Variants in KIF1B observed in about 807,000 individuals in gnomAD.
The protein encoded by KIF1B is kinesin-like protein KIF1B.
In KIF1B, 76 loss-of-function variants were observed where a neutral mutation model predicts 241.9. The observed-to-expected ratio is 0.31, with a 90% CI of 0.26 to 0.38. KIF1B has a LOEUF of 0.38. Among genes scored for constraint, KIF1B ranks in the 10% least tolerant of loss-of-function variants. The pLI is 1.00. For synonymous variants in KIF1B, 750 were observed against 796.7 expected (o/e 0.94, Z 0.99); for missense variants, 1,622 against 2,271.4 (o/e 0.71, Z 5.81).
intron 17 of KIF1B, among the ~76,000 whole-genome samples, chr1:10,293,738 A>G (rs914607574): frequency 6.6e-6 from 1 of 152,192 alleles, no homozygotes; most frequent in Non-Finnish European, 1.5e-5. Context: ...TGCATTTAAC[A>G]TAAATCATAA....
chr1:10,286,280 T>C lies in KIF1B; in HGVS notation c.1434+3747T>C, dbSNP rs1284031539. Among the ~76,000 whole-genome samples, 3 of 152,154 alleles carry C rather than the reference T, an allele frequency of 2.0e-5. No individual in the cohort carries two copies. The East Asian group carries it at 5.8e-4, about 29-fold the overall frequency. ...GTCTCAAACTTCTGACTACAGGTGA[T>C]CTGCCTGCCTCGGCCTCCCAAAGTG... On this transcript the variant is annotated intron_variant, in intron 15 of 48. Coordinates refer to ENST00000676179, the MANE Select transcript of KIF1B (RefSeq NM_001365951.3).
chr1:10,266,958 A>C (rs1277299753), intron 5 of KIF1B, among the ~76,000 whole-genome samples: 3 of 137,456 alleles, frequency 2.2e-5, no homozygotes, highest in African/African-American at 5.4e-5. Flanking sequence ...CTTTTAATAA[A>C]AGTTAAAAAA....
At chr1:10,330,031 T>C (rs1351454920) in intron 27 of KIF1B, among the ~76,000 whole-genome samples, 3 of 152,230 alleles carry the variant, frequency 2.0e-5, no homozygotes, top group African/African-American at 7.2e-5. Context: ...ATTTTTCTTA[T>C]CTTTATGTTG....
Position 10,377,316 on chromosome 1 carries a change from G to A in KIF1B, c.*729G>A, listed in dbSNP as rs977775192. Reference sequence around the variant, plus strand: ...GAGGAGACGAGAGGCTTTTTCAGTGGGCCTGGGACAGTGGCTGCTCTTGAC... The same window carrying A: ...GAGGAGACGAGAGGCTTTTTCAGTGAGCCTGGGACAGTGGCTGCTCTTGAC... On this transcript the variant is annotated 3_prime_UTR_variant, in exon 49 of 49. Transcript: ENST00000676179. The A allele has an allele frequency of 1.3e-5, 3 of 228,350 alleles. No individual in the cohort carries two copies. The highest frequency in any genetic ancestry group is 2.6e-5 in the Non-Finnish European group (3 of 114,788). 14.1% of individuals were successfully genotyped at this position (228,350 alleles called of 1,614,324 possible). A position where few individuals can be genotyped will look rare whatever the true frequency, so the allele number is the denominator to read the frequency against.
chr1:10,229,867 CAAAAAAA>C (rs58923572), intron 1 of KIF1B, among the ~76,000 whole-genome samples: 7 of 56,474 alleles, frequency 1.2e-4, no homozygotes, highest in Admixed American at 3.7e-4. Context: ...GACTCCGTCT[CAAAAAAA>C]AAAAAAAAAA....
chr1:10,281,336 TGAAA>T (rs751640400), intron 14 of KIF1B, among the ~76,000 whole-genome samples: 2 of 152,132 alleles, frequency 1.3e-5, no homozygotes, highest in African/African-American at 2.4e-5. Context: ...GGATGACTAA[TGAAA>T]GAAAGTAATG....
At chr1:10,376,115 T>G (rs1029845001) in intron 48 of KIF1B, among the ~76,000 whole-genome samples, 2 of 152,036 alleles carry the variant, frequency 1.3e-5, no homozygotes, top group Non-Finnish European at 2.9e-5. Context: ...AAAGGAAGTA[T>G]TTTTCAAAAT....
intron 41 of KIF1B, 116 bp downstream of exon 41, chr1:10,363,460 G>GC: frequency 3.5e-6 from 3 of 852,208 alleles, no homozygotes; most frequent in Admixed American, 1.8e-5. Flanking sequence ...GGGAGGCCAA[G>GC]GCGGGTGGAT....
At chr1:10,271,297 C>T (rs1218508829) in intron 7 of KIF1B, among the ~76,000 whole-genome samples, 6 of 152,170 alleles carry the variant, frequency 3.9e-5, no homozygotes, top group Non-Finnish European at 8.8e-5. Context: ...GCTGGGACTA[C>T]AGGCATGTGC....
chr1:10,273,425 G>A (rs61775919), intron 10 of KIF1B, among the ~76,000 whole-genome samples: 2,390 of 152,168 alleles, frequency 0.016, 63 homozygotes, highest in African/African-American at 0.053. Context: ...GTGGTAGCGC[G>A]TGCCCATAGT....
rs752910622 is a variant in KIF1B, at chr1:10,334,296, G to A, written c.2925-224G>A. Among the ~76,000 whole-genome samples, 27 of 152,156 alleles carry A rather than the reference G, an allele frequency of 1.8e-4. 1 individual carries two copies. Among genetic ancestry groups the A allele is most frequent in the Non-Finnish European group, 3.2e-4 (22 of 68,026 alleles). On this transcript the variant is annotated intron_variant, in intron 27 of 48. Transcript: ENST00000676179. ...TAGTTAAGTTTTAGAGCATGATTTGGTGTGTGTTGGTCTTCGTCAACAGTT... is the reference window on the plus strand; with the variant it reads ...TAGTTAAGTTTTAGAGCATGATTTGATGTGTGTTGGTCTTCGTCAACAGTT...
intron 2 of KIF1B, among the ~76,000 whole-genome samples, chr1:10,255,955 AGTT>A (rs1365503093): frequency 2.0e-4 from 27 of 136,606 alleles, no homozygotes; most frequent in Admixed American, 8.4e-4. Context: ...ATGCCCAGCT[AGTT>A]GTTGTTGTTT....
chr1:10,294,600 G>A (rs1169300096), intron 17 of KIF1B, among the ~76,000 whole-genome samples: 1 of 152,110 alleles, frequency 6.6e-6, no homozygotes, highest in Non-Finnish European at 1.5e-5. Context: ...AGGCACAGTG[G>A]CTCACTCCTA....
intron 27 of KIF1B, among the ~76,000 whole-genome samples, chr1:10,329,740 A>AG (rs1304780816): frequency 6.6e-6 from 1 of 151,742 alleles, no homozygotes; most frequent in African/African-American, 2.4e-5. Context: ...TCTAGGGGGA[A>AG]AAAAAAATTA....
intron 40 of KIF1B, among the ~76,000 whole-genome samples, 167 bp from the exon 41 acceptor site, chr1:10,363,116 G>A (rs1201223283): frequency 6.6e-6 from 1 of 152,068 alleles, no homozygotes; most frequent in African/African-American, 2.4e-5. Flanking sequence ...CTAGGAAAAG[G>A]TATGCTACTT....
At chr1:10,351,130 G>A (rs1387990919) in intron 37 of KIF1B, among the ~76,000 whole-genome samples, 1 of 149,952 alleles carries the variant, frequency 6.7e-6, no homozygotes, top group Non-Finnish European at 1.5e-5. Flanking sequence ...CTTGTCTGGG[G>A]CAGCAGTGGT....
At chr1:10,243,304 A>G (rs1647163935) in intron 2 of KIF1B, among the ~76,000 whole-genome samples, 1 of 152,282 alleles carries the variant, frequency 6.6e-6, no homozygotes, top group East Asian at 1.9e-4. Context: ...CTGTGATCCT[A>G]GCTACTCGGG....
intron 48 of KIF1B, 126 bp from the exon 49 acceptor site, chr1:10,376,419 A>AGAGG (rs1638890249): frequency 1.1e-6 from 1 of 899,568 alleles, no homozygotes; most frequent in Admixed American, 1.7e-5. Flanking sequence ...TAGACGGCTT[A>AGAGG]GAGGACTAGG....
At chr1:10,359,789 T>C (rs1399441127) in intron 38 of KIF1B, among the ~76,000 whole-genome samples, 1 of 152,122 alleles carries the variant, frequency 6.6e-6, no homozygotes, top group Non-Finnish European at 1.5e-5. Context: ...ATCCCAGCAC[T>C]TTGGGAGGCC....
Sources: allele counts gnomAD v4.1 joint callset (sites outside exome capture counted in the v4.1 genomes callset), GRCh38; gene constraint gnomAD v4.1.1; transcripts MANE v1.5; gene names NCBI Gene and HGNC (gene_info 2026-07-23, HGNC 2026-07-21).